The following OR3A2 variants were observed in gnomAD, a reference collection of about 807,000 sequenced individuals.
The protein encoded by OR3A2 is olfactory receptor 3A2.
For synonymous variants in OR3A2, 126 were observed against 159.3 expected, an observed-to-expected ratio of 0.79 and a Z score of 1.57; for missense variants, 318 against 392.8, an observed-to-expected ratio of 0.81 and a Z score of 1.61.
At chr17:3,334,295 C>T (rs1295972107) in intron 3 of OR3A2, among the ~76,000 whole-genome samples, 2 of 152,106 alleles carry the variant, frequency 1.3e-5, no homozygotes, top group Admixed American at 6.5e-5. Context: ...CTCTTCATCC[C>T]CTGCCTTCCA....
chr17:3,353,798 C>G (rs1029370324), intron 2 of OR3A2, among the ~76,000 whole-genome samples: 1 of 151,710 alleles, frequency 6.6e-6, no homozygotes, highest in Non-Finnish European at 1.5e-5. Flanking sequence ...ACCTCAAGCA[C>G]TTATGTTTCA....
chr17:3,367,410 T>C (rs1597360644), intron 2 of OR3A2, among the ~76,000 whole-genome samples: 3 of 151,178 alleles, frequency 2.0e-5, no homozygotes, highest in Admixed American at 1.3e-4. Context: ...ATCATTCTTA[T>C]GCTTTTGCGT....
chr17:3,300,950 T>C (rs781404952), intron 3 of OR3A2, among the ~76,000 whole-genome samples: 81 of 152,026 alleles, frequency 5.3e-4, no homozygotes, highest in Non-Finnish European at 1.1e-3. Context: ...TGTTTGGTTT[T>C]CTGTCCTTGT....
intron 2 of OR3A2, among the ~76,000 whole-genome samples, chr17:3,366,182 A>T (rs1473719033): frequency 6.6e-6 from 1 of 152,212 alleles, no homozygotes; most frequent in Non-Finnish European, 1.5e-5. Context: ...GTAGGAGTGA[A>T]GTAGTTCCCC....
intron 3 of OR3A2, among the ~76,000 whole-genome samples, chr17:3,313,081 T>C (rs146339728): frequency 1.3e-5 from 2 of 152,188 alleles, no homozygotes; most frequent in Non-Finnish European, 2.9e-5. Context: ...TACTGGAACC[T>C]GAGATTTTAA....
chr17:3,332,252 C>T (rs893246041), intron 3 of OR3A2, among the ~76,000 whole-genome samples: 1 of 152,238 alleles, frequency 6.6e-6, no homozygotes, highest in Non-Finnish European at 1.5e-5. Context: ...GTTCGAGCTT[C>T]GCGGCTGCTT....
chr17:3,312,337 A>G (rs2049050846), intron 3 of OR3A2, among the ~76,000 whole-genome samples: 1 of 152,148 alleles, frequency 6.6e-6, no homozygotes, highest in Non-Finnish European at 1.5e-5. Context: ...AAAAGGCTCT[A>G]CTTTAAGAAA....
upstream of OR3A2, among the ~76,000 whole-genome samples, chr17:3,288,246 C>CAAAAAAAAAAAA: frequency 3.4e-4 from 25 of 73,440 alleles, no homozygotes; most frequent in East Asian, 5.8e-4. Flanking sequence ...ACCAAAAGGG[C>CAAAAAAAAAAAA]AAAAAAAAAA....
intron 3 of OR3A2, among the ~76,000 whole-genome samples, chr17:3,326,017 G>C (rs147242552): frequency 1.3e-5 from 2 of 151,894 alleles, no homozygotes; most frequent in Admixed American, 1.3e-4. Context: ...TTCATCTCCC[G>C]CTTATAAGTG....
intron 3 of OR3A2, among the ~76,000 whole-genome samples, chr17:3,308,239 C>T (rs1802193102): frequency 6.6e-6 from 1 of 152,118 alleles, no homozygotes; most frequent in African/African-American, 2.4e-5. Context: ...TCCAGGGGAA[C>T]AATGAGGAGG....
At chr17:3,378,157 C>T (rs1012339914) in intron 2 of OR3A2, among the ~76,000 whole-genome samples, 1 of 152,204 alleles carries the variant, frequency 6.6e-6, no homozygotes, top group African/African-American at 2.4e-5. Context: ...CACCTAGGAA[C>T]CTGTCTGCCT....
rs569180332 is a variant in OR3A2 at position 3,325,540 on chromosome 17, T to A, written c.-85+10493A>T. Among the ~76,000 whole-genome samples the A allele has an allele frequency of 1.6e-4, 24 of 152,176 alleles. No individual in the cohort carries two copies. The South Asian group carries it at 5.0e-3, about 31-fold the overall frequency. On this transcript the variant is annotated intron_variant, in intron 3 of 4. Transcript: ENST00000573491. Reference sequence around the variant, plus strand: ...TAAATGTTTTAAGTATCTCTTTTTATCAAATTTTAAATGTATATAGATATA... The same window carrying A: ...TAAATGTTTTAAGTATCTCTTTTTAACAAATTTTAAATGTATATAGATATA...
rs1485543100 is a variant in OR3A2 at position 3,297,866 on chromosome 17, T to TA, written c.-84-18714dup. The stretch of plus-strand genomic sequence containing the variant: ...ATGAGCTGGAGTTTGTGCAACACGA[T>TA]AAAAGATTGATACGATTTAAGGGAG... On this transcript the variant is annotated intron_variant, in intron 3 of 4. Transcript: ENST00000573491. 2.0e-5 allele frequency among the ~76,000 whole-genome samples: 3 copies of TA among 152,190 alleles called. No homozygotes were observed. In the East Asian group the frequency reaches 5.8e-4, roughly 29 times the overall value.
At chr17:3,325,078 T>C (rs1206104585) in intron 3 of OR3A2, among the ~76,000 whole-genome samples, 1 of 152,170 alleles carries the variant, frequency 6.6e-6, no homozygotes, top group East Asian at 1.9e-4. Context: ...TTTACTATTT[T>C]TATGATTTTG....
chr17:3,360,716 T>C (rs1349219620), intron 2 of OR3A2, among the ~76,000 whole-genome samples: 1 of 151,708 alleles, frequency 6.6e-6, no homozygotes, highest in Non-Finnish European at 1.5e-5. Flanking sequence ...TTGTCAAAGA[T>C]CAGATAGTTG....
At chr17:3,325,034 TC>T (rs1448599698) in intron 3 of OR3A2, among the ~76,000 whole-genome samples, 3 of 152,074 alleles carry the variant, frequency 2.0e-5, no homozygotes, top group African/African-American at 7.3e-5. Context: ...TGAAACTATT[TC>T]CCCATCTCAA....
intron 2 of OR3A2, among the ~76,000 whole-genome samples, chr17:3,355,332 T>C (rs2049457008): frequency 6.6e-6 from 1 of 151,460 alleles, no homozygotes; most frequent in Non-Finnish European, 1.5e-5. Flanking sequence ...ATGGTGAAGA[T>C]TAAGTCCTAT....
In OR3A2 at chr17:3,376,224, C is replaced by T. The variant is rs115222297; in HGVS notation, c.-179+7580G>A. Among the ~76,000 whole-genome samples, 604 of 152,296 alleles carry T rather than the reference C, an allele frequency of 4.0e-3. 3 individuals are homozygous for T. Among genetic ancestry groups the T allele is most frequent in the African/African-American group, 0.013 (533 of 41,558 alleles). ...TGCTGTAATGGCTTTAGATTGTTGG[C>T]CCCCAGCCAGGAGGTGGCACTTTCA... On this transcript the variant is annotated intron_variant, in intron 2 of 4. Transcript: ENST00000573491.
chr17:3,335,557 CTTCCA>C (rs2049270108), intron 3 of OR3A2, among the ~76,000 whole-genome samples: 1 of 152,040 alleles, frequency 6.6e-6, no homozygotes, highest in Non-Finnish European at 1.5e-5. Context: ...TGATCTGCAT[CTTCCA>C]TTCCATCAAT....
Sources: allele counts gnomAD v4.1 joint callset (sites outside exome capture counted in the v4.1 genomes callset), GRCh38; gene constraint gnomAD v4.1.1; transcripts MANE v1.5; gene names NCBI Gene and HGNC (gene_info 2026-07-23, HGNC 2026-07-21).